The following MIOS variants were observed in gnomAD, a reference collection of about 807,000 sequenced individuals.
MIOS encodes the protein meiosis regulator for oocyte development, also known as GATOR2 complex protein MIOS.
Under a neutral mutation model 96.9 loss-of-function variants are expected in MIOS, and 52 were observed. The observed-to-expected ratio is 0.54, with a 90% CI of 0.43 to 0.68. MIOS has a LOEUF of 0.68. MIOS is among the 30% of genes least tolerant of loss of function. The pLI, the probability that MIOS is intolerant of heterozygous loss-of-function variation, is 0.00. For missense variants in MIOS, 1,005 were observed against 1,052.8 expected (o/e 0.95, Z 0.63); for synonymous variants, 397 against 359.5 (o/e 1.10, Z -1.18).
chr7:7,574,451 A>G (rs1001226100), intron 5 of MIOS, among the ~76,000 whole-genome samples: 2 of 152,084 alleles, frequency 1.3e-5, no homozygotes, highest in East Asian at 1.9e-4. Context: ...CGTTTATTCA[A>G]TGTTATTTTT....
intron 4 of MIOS, 95 bp from the exon 5 acceptor site, chr7:7,574,003 A>G (rs1294398038): frequency 6.7e-6 from 7 of 1,039,984 alleles, no homozygotes; most frequent in African/African-American, 3.2e-5. Flanking sequence ...CCTTATTTAC[A>G]CTGATACTTA....
At chr7:7,597,096 G>T (rs557659420) in intron 11 of MIOS, among the ~76,000 whole-genome samples, 10 of 152,230 alleles carry the variant, frequency 6.6e-5, no homozygotes, top group South Asian at 2.1e-4. Context: ...GGTGGCCGAG[G>T]CTGGCAGATC....
chr7:7,595,665 A>T (rs1784183982), intron 10 of MIOS, among the ~76,000 whole-genome samples: 1 of 152,144 alleles, frequency 6.6e-6, no homozygotes, highest in African/African-American at 2.4e-5. Context: ...CTATTTTCTT[A>T]TTTTAGGAAC....
In MIOS at chr7:7,573,756, G is replaced by T. The variant is rs368151556; in HGVS notation, c.1281G>T (p.Trp427Cys). ...AAGATCCACAGCTCAAGTCACTCTG[G>T]TATACTCTGCACTATATCCTTTTCA... ...GNEDPQLKSL[W>C]YTLHFMKQYT... Residue 427 changes from tryptophan to cysteine, a missense_variant, in exon 4 of 13, where the codon TGG becomes TGT. Physicochemically the swap from Trp to Cys is radical, Grantham distance 215. Transcript: ENST00000340080. This position sits in a 1 kb window ranked among gnomAD's most constrained non-coding sequence, Gnocchi z 5.0. The T allele has an allele frequency of 6.2e-7, 1 of 1,602,204 alleles. No homozygotes were observed. Among genetic ancestry groups the T allele is most frequent in the Admixed American group, 1.7e-5 (1 of 58,470 alleles).
intron 9 of MIOS, among the ~76,000 whole-genome samples, chr7:7,590,963 C>G (rs1427897952): frequency 1.3e-5 from 2 of 152,162 alleles, no homozygotes; most frequent in Non-Finnish European, 2.9e-5. Context: ...ATATATTTTA[C>G]TTTTACAGAT....
At position 7,588,494 on chromosome 7, in the gene MIOS, C is replaced by G. The variant is rs1783955679; in HGVS notation, c.1819-4C>G. On this transcript the variant is annotated splice_polypyrimidine_tract_variant and splice_region_variant and intron_variant, in intron 7 of 12. Transcript: ENST00000340080. ...TAACTCCTTGCTTTTTCTCTTCTTT[C>G]CAGTATGAAAACAAAGTTGCAGTAC... The G allele has an allele frequency of 6.4e-7, 1 of 1,567,340 alleles. No homozygotes were observed. The highest frequency in any genetic ancestry group is 1.3e-5 in the African/African-American group (1 of 74,104).
At chr7:7,592,956 T>C (rs1784091538) in intron 9 of MIOS, among the ~76,000 whole-genome samples, 1 of 152,186 alleles carries the variant, frequency 6.6e-6, no homozygotes, top group Non-Finnish European at 1.5e-5. Context: ...ATCAAAACAC[T>C]ATTTTCCCAA....
intron 11 of MIOS, chr7:7,605,568 T>A (rs1784505849): frequency 1.2e-5 from 2 of 164,086 alleles, no homozygotes; most frequent in Admixed American, 1.2e-4. Context: ...GTGCTGGGAT[T>A]ACAGGCATGA....
At chr7:7,606,890 A>G in intron 12 of MIOS, 106 bp from the exon 13 acceptor site, 1 of 874,460 alleles carries the variant, frequency 1.1e-6, no homozygotes, top group Non-Finnish European at 1.8e-6. Flanking sequence ...GTGTGCGTAC[A>G]GCCTGGGAAA....
chr7:7,588,650 T>C (rs1159987412), intron 8 of MIOS, 87 bp downstream of exon 8: 1 of 715,874 alleles, frequency 1.4e-6, no homozygotes, highest in East Asian at 3.2e-5. Context: ...ATTACATATG[T>C]ATGAGATTGA....
intron 6 of MIOS, among the ~76,000 whole-genome samples, chr7:7,585,429 T>TC (rs1783858669): frequency 6.7e-6 from 1 of 148,776 alleles, no homozygotes; most frequent in African/African-American, 2.5e-5. Flanking sequence ...TTTTTTTTTT[T>TC]TCAAGAGTAA....
At position 7,572,402 on chromosome 7, in the gene MIOS, T is replaced by C; in HGVS notation, c.-40-34T>C. ...CAACGTAAGAATTATATTTTGCTGA[T>C]ATTTTAAAACTTTTTATTTTTAAAC... On this transcript the variant is annotated intron_variant, in intron 3 of 12. Coordinates refer to ENST00000340080, the MANE Select transcript of MIOS (RefSeq NM_019005.4). This position sits in a 1 kb window ranked among gnomAD's most constrained non-coding sequence, Gnocchi z 4.8. 8.8e-7 allele frequency: 1 copy of C among 1,134,092 alleles called. No homozygotes were observed. 70.3% of individuals were successfully genotyped at this position (1,134,092 alleles called of 1,614,324 possible). A position where few individuals can be genotyped will look rare whatever the true frequency, so the allele number is the denominator to read the frequency against.
At chr7:7,605,150 T>G (rs1329353851) in intron 11 of MIOS, 2 of 152,172 alleles carry the variant, frequency 1.3e-5, no homozygotes, top group Admixed American at 1.3e-4. Context: ...CATAATGTCT[T>G]TATAGATAGC....
chr7:7,595,875 G>A (rs1045966702), intron 10 of MIOS, among the ~76,000 whole-genome samples: 2 of 152,138 alleles, frequency 1.3e-5, no homozygotes, highest in African/African-American at 4.8e-5. Flanking sequence ...CTTAGGAACA[G>A]CGTTTTCTTT....
At position 7,598,949 on chromosome 7, in the gene MIOS, T is replaced by TAA. The variant is rs1405351919; in HGVS notation, c.2401+2489_2401+2490dup. Among the ~76,000 whole-genome samples the TAA allele has an allele frequency of 2.0e-5, 3 of 152,086 alleles. No individual in the cohort carries two copies. In the East Asian group the frequency reaches 5.8e-4, roughly 29 times the overall value. On this transcript the variant is annotated intron_variant, in intron 11 of 12. Coordinates refer to ENST00000340080, the MANE Select transcript of MIOS (RefSeq NM_019005.4). ...TACAGAAATAATTTCTTTATATATA[T>TAA]AATACATATTTGAACACTGATTTTA...
chr7:7,600,923 C>G (rs1422764978), intron 11 of MIOS, among the ~76,000 whole-genome samples: 1 of 152,172 alleles, frequency 6.6e-6, no homozygotes, highest in Non-Finnish European at 1.5e-5. Flanking sequence ...TCACTCCAAA[C>G]CGCTCAACTA....
chr7:7,600,915 A>T lies in MIOS; in HGVS notation c.2401+4454A>T, dbSNP rs187672457. On this transcript the variant is annotated intron_variant, in intron 11 of 12. Coordinates refer to ENST00000340080, the MANE Select transcript of MIOS (RefSeq NM_019005.4). ...ACTAGAACTCAGGATTAAGACATTC[A>T]CTCCAAACCGCTCAACTACATGGAA... Among the ~76,000 whole-genome samples the T allele has an allele frequency of 7.9e-5, 12 of 152,278 alleles. No individual in the cohort carries two copies. The East Asian group carries it at 2.1e-3, about 27-fold the overall frequency.
chr7:7,597,474 A>G lies in MIOS; in HGVS notation c.2401+1013A>G, dbSNP rs1462295123. 2.7e-4 allele frequency among the ~76,000 whole-genome samples: 3 copies of G among 10,974 alleles called. No homozygotes were observed. The East Asian group carries it at 6.6e-3, about 24-fold the overall frequency. 7.2% of individuals were successfully genotyped at this position (10,974 alleles called of 152,430 possible). ...TGTCAGTTACCTAGTAAATTTATAT[A>G]TATATATATATATATATATATATAT... On this transcript the variant is annotated intron_variant, in intron 11 of 12. Coordinates refer to ENST00000340080, the MANE Select transcript of MIOS (RefSeq NM_019005.4).
intron 8 of MIOS, among the ~76,000 whole-genome samples, 160 bp from the exon 9 acceptor site, chr7:7,589,245 G>C (rs1463855973): frequency 6.6e-6 from 1 of 152,084 alleles, no homozygotes; most frequent in South Asian, 2.1e-4. Flanking sequence ...TTTGAAATTT[G>C]TAATAGATGC....
Sources: gnomAD v4.1 joint callset for allele counts (sites outside exome capture counted in the v4.1 genomes callset) on GRCh38, gnomAD v4.1.1 for gene constraint, Gnocchi (gnomAD v3.1) non-coding constraint, MANE v1.5 for transcripts, NCBI Gene and HGNC (gene_info 2026-07-23, HGNC 2026-07-21) for gene names.